ACBD5: variants seen among roughly 807,000 people sequenced by gnomAD.
The protein encoded by ACBD5 is acyl-CoA binding domain containing 5.
In ACBD5, 40 loss-of-function variants were observed where a neutral mutation model predicts 71.8. That is an observed-to-expected ratio of 0.56 (90% CI 0.43 to 0.72). The LOEUF is 0.72. ACBD5 is among the 30% of genes least tolerant of loss of function. ACBD5 has a pLI of 0.00. For synonymous variants in ACBD5, 229 were observed against 218.6 expected (o/e 1.05, Z -0.42); for missense variants, 559 against 644.5 (o/e 0.87, Z 1.44).
At chr10:27,219,362 T>C (rs773335863) in intron 6 of ACBD5, among the ~76,000 whole-genome samples, 7 of 152,116 alleles carry the variant, frequency 4.6e-5, no homozygotes, top group Non-Finnish European at 1.0e-4. Flanking sequence ...GATTCCATTC[T>C]ATTTTTGGTA....
chr10:27,186,727 C>T (rs1305352510), intron 13 of ACBD5: 2 of 599,314 alleles, frequency 3.3e-6, no homozygotes, highest in African/African-American at 1.9e-5. Context: ...TTATCTTAAC[C>T]TCAAAACTGT....
chr10:27,228,815 A>ATATATATATATATATATTTTTT (rs1554856598), intron 4 of ACBD5, among the ~76,000 whole-genome samples: 2 of 20,368 alleles, frequency 9.8e-5, no homozygotes, highest in Non-Finnish European at 1.3e-4. Context: ...ATATATATAT[A>ATATATATATATATATATTTTTT]TTTTTTTTTT....
chr10:27,204,846 G>C (rs993787691), intron 11 of ACBD5, among the ~76,000 whole-genome samples: 3 of 152,132 alleles, frequency 2.0e-5, no homozygotes, highest in Non-Finnish European at 4.4e-5. Context: ...TGAAACCATG[G>C]GCCGGGCGCG....
At chr10:27,198,637 C>G (rs2059596979) in intron 12 of ACBD5, among the ~76,000 whole-genome samples, 1 of 152,096 alleles carries the variant, frequency 6.6e-6, no homozygotes, top group South Asian at 2.1e-4. Flanking sequence ...AGAAAACAGG[C>G]CCCTGGAGGA....
chr10:27,188,272 A>G lies in ACBD5; in HGVS notation c.1494-5557T>C, dbSNP rs979015043. 2.6e-5 allele frequency among the ~76,000 whole-genome samples: 4 copies of G among 152,370 alleles called. No individual in the cohort carries two copies. The East Asian group carries it at 5.8e-4, about 22-fold the overall frequency. Reference sequence around the variant, plus strand: ...ACAGTTGTTCAAAACTTTGAATTACATCTTTCCCTTAAATTAGGCAAAAGC... The same window carrying G: ...ACAGTTGTTCAAAACTTTGAATTACGTCTTTCCCTTAAATTAGGCAAAAGC... On this transcript the variant is annotated intron_variant, in intron 13 of 13. Transcript: ENST00000676511.
intron 3 of ACBD5, among the ~76,000 whole-genome samples, chr10:27,234,807 C>T (rs1418410918): frequency 2.0e-5 from 3 of 152,156 alleles, no homozygotes; most frequent in Non-Finnish European, 4.4e-5. Context: ...TGGCGCGCAC[C>T]TGTAATCCCA....
intron 4 of ACBD5, among the ~76,000 whole-genome samples, chr10:27,230,854 AC>A (rs1445222470): frequency 1.3e-5 from 2 of 151,564 alleles, no homozygotes; most frequent in Non-Finnish European, 2.9e-5. Context: ...TTCTTCATAT[AC>A]TTGCTCCTCA....
At chr10:27,189,787 T>A (rs924429218) in intron 13 of ACBD5, among the ~76,000 whole-genome samples, 34 of 142,542 alleles carry the variant, frequency 2.4e-4, no homozygotes, top group Non-Finnish European at 4.9e-4. Context: ...TATATATATA[T>A]AAATAAACTT....
At chr10:27,226,778 A>T (rs1369698374) in intron 4 of ACBD5, among the ~76,000 whole-genome samples, 2 of 151,718 alleles carry the variant, frequency 1.3e-5, no homozygotes, top group Non-Finnish European at 2.9e-5. Flanking sequence ...CAGCTGCCCG[A>T]GTAGCTGAGA....
At chr10:27,183,012 TC>T (rs1442019791) in intron 13 of ACBD5, among the ~76,000 whole-genome samples, 1 of 152,118 alleles carries the variant, frequency 6.6e-6, no homozygotes, top group Non-Finnish European at 1.5e-5. Flanking sequence ...ATACAGGAAA[TC>T]TTTTTTTATG....
intron 12 of ACBD5, 79 bp downstream of exon 12, chr10:27,204,361 C>A (rs1170668713): frequency 1.0e-6 from 1 of 998,578 alleles, no homozygotes. Flanking sequence ...ACCTAGCATC[C>A]CTTAATTGCT....
At chr10:27,203,958 C>T (rs1167865979) in intron 12 of ACBD5, among the ~76,000 whole-genome samples, 6 of 151,422 alleles carry the variant, frequency 4.0e-5, no homozygotes, top group Non-Finnish European at 2.9e-5. Context: ...TCCTCACAAA[C>T]CATAAAATTT....
chr10:27,190,991 C>A (rs945654402), downstream of ACBD5, among the ~76,000 whole-genome samples: 1 of 152,006 alleles, frequency 6.6e-6, no homozygotes, highest in South Asian at 2.1e-4. Flanking sequence ...CTGTGAGACA[C>A]CCAAATAAAG....
chr10:27,198,665 G>A (rs1300770299), intron 12 of ACBD5, among the ~76,000 whole-genome samples: 1 of 152,204 alleles, frequency 6.6e-6, no homozygotes, highest in Non-Finnish European at 1.5e-5. Flanking sequence ...TGAAATGGTT[G>A]ACAAAGACAA....
At chr10:27,213,244 G>A (rs2061292841) in intron 8 of ACBD5, among the ~76,000 whole-genome samples, 5 of 152,078 alleles carry the variant, frequency 3.3e-5, no homozygotes, top group Admixed American at 3.3e-4. Context: ...ATGGCCAACA[G>A]GTATATGAAA....
chr10:27,226,997 A>G (rs1413972306), intron 4 of ACBD5, among the ~76,000 whole-genome samples: 1 of 44,080 alleles, frequency 2.3e-5, no homozygotes, highest in Non-Finnish European at 4.7e-5. Context: ...AAACATTCTG[A>G]TTTTTTTTGC....
At chr10:27,195,004 T>C (rs1251086527), downstream of ACBD5, among the ~76,000 whole-genome samples, 1 of 152,038 alleles carries the variant, frequency 6.6e-6, no homozygotes, top group Non-Finnish European at 1.5e-5. Context: ...CAAAAAAAAG[T>C]AAAACCAAGA....
chr10:27,231,711 C>T lies in ACBD5; in HGVS notation c.375+37G>A, dbSNP rs1434147125. 1.9e-6 allele frequency: 3 copies of T among 1,589,560 alleles called. No individual in the cohort carries two copies. The East Asian group carries it at 6.7e-5, about 36-fold the overall frequency. On this transcript the variant is annotated intron_variant, in intron 4 of 12. Coordinates refer to ENST00000396271, the MANE Select transcript of ACBD5 (RefSeq NM_145698.5). ...ATAACCAAATTAAATTAGAGCTGCT[C>T]TGAATTTTCATTTTAACTGTGAATT...
At chr10:27,203,316 C>T (rs1383145502) in intron 12 of ACBD5, among the ~76,000 whole-genome samples, 1 of 152,044 alleles carries the variant, frequency 6.6e-6, no homozygotes, top group Non-Finnish European at 1.5e-5. Context: ...TTCTTGAATC[C>T]AAGGGTTTGG....
Sources: gnomAD v4.1 joint callset for allele counts (sites outside exome capture counted in the v4.1 genomes callset) on GRCh38, gnomAD v4.1.1 for gene constraint, MANE v1.5 for transcripts, NCBI Gene and HGNC (gene_info 2026-07-23, HGNC 2026-07-21) for gene names.